BANK1: variants seen among roughly 807,000 people sequenced by gnomAD.
BANK1 encodes B-cell scaffold protein with ankyrin repeats.
Under a neutral mutation model 94.5 loss-of-function variants are expected in BANK1, and 95 were observed. The ratio of observed to expected loss-of-function variants is 1.00; its 90% CI spans 0.85 to 1.19. BANK1 has a LOEUF of 1.19. Among genes scored for constraint, BANK1 ranks in the 50% most tolerant of loss-of-function variants. BANK1 has a pLI of 0.00. For missense variants in BANK1, 987 were observed against 932.2 expected, an observed-to-expected ratio of 1.06 and a Z score of -0.77; for synonymous variants, 334 against 308.4, an observed-to-expected ratio of 1.08 and a Z score of -0.87.
chr4:101,904,053 G>A (rs1037014506), intron 6 of BANK1, among the ~76,000 whole-genome samples: 2 of 152,228 alleles, frequency 1.3e-5, no homozygotes, highest in Non-Finnish European at 2.9e-5. Context: ...AAAATTATGG[G>A]ACTGTTTAAC....
chr4:101,901,799 C>T (rs982811260), intron 6 of BANK1, among the ~76,000 whole-genome samples: 1 of 151,718 alleles, frequency 6.6e-6, no homozygotes. Flanking sequence ...CTTGCTCTGT[C>T]GCCCAGGCTG....
chr4:101,839,202 A>G (rs1211915820), intron 2 of BANK1, among the ~76,000 whole-genome samples: 1 of 152,194 alleles, frequency 6.6e-6, no homozygotes, highest in East Asian at 1.9e-4. Flanking sequence ...TAGTGTCTTA[A>G]TATTCTCATA....
chr4:101,932,012 T>C (rs1723366199), intron 7 of BANK1, among the ~76,000 whole-genome samples: 1 of 151,542 alleles, frequency 6.6e-6, no homozygotes, highest in Admixed American at 6.6e-5. Context: ...ATGTAGTTTG[T>C]TTAAGATCCT....
At chr4:101,990,303 T>G (rs542384679) in intron 7 of BANK1, among the ~76,000 whole-genome samples, 1 of 152,326 alleles carries the variant, frequency 6.6e-6, no homozygotes, top group East Asian at 1.9e-4. Flanking sequence ...AATGACTTTA[T>G]GATTATACAT....
intron 11 of BANK1, among the ~76,000 whole-genome samples, chr4:102,049,260 G>C (rs1202598107): frequency 2.0e-5 from 3 of 152,136 alleles, no homozygotes; most frequent in African/African-American, 7.2e-5. Flanking sequence ...AAGTGAACAT[G>C]ATCAAGTCAA....
chr4:102,000,641 A>G (rs1338477023), intron 7 of BANK1, among the ~76,000 whole-genome samples: 3 of 152,212 alleles, frequency 2.0e-5, no homozygotes, highest in African/African-American at 7.2e-5. Flanking sequence ...GGAAACTGAT[A>G]CATGTGTTGC....
At chr4:102,035,579 C>A (rs1727475886) in intron 10 of BANK1, among the ~76,000 whole-genome samples, 1 of 148,142 alleles carries the variant, frequency 6.8e-6, no homozygotes, top group African/African-American at 2.5e-5. Context: ...ACCCGGGAGG[C>A]AGAGCTTGCA....
chr4:101,805,500 C>A (rs35416717), intron 1 of BANK1, among the ~76,000 whole-genome samples: 40,502 of 151,594 alleles, frequency 0.27, 5,710 homozygotes, highest in Non-Finnish European at 0.32. Flanking sequence ...AATTAAGTAT[C>A]TGAAAAAGGA....
chr4:101,951,422 C>A (rs1003016301), intron 7 of BANK1, among the ~76,000 whole-genome samples: 4 of 151,880 alleles, frequency 2.6e-5, no homozygotes, highest in African/African-American at 9.7e-5. Flanking sequence ...AAACTTTAGC[C>A]CAAACACCAG....
intron 4 of BANK1, 47 bp downstream of exon 4, chr4:101,862,711 C>T (rs1427957676): frequency 1.3e-6 from 2 of 1,485,638 alleles, no homozygotes; most frequent in Admixed American, 2.4e-5. Flanking sequence ...ATCCTGAGTT[C>T]CTTCCAATAA....
chr4:102,072,242 C>A, intron 14 of BANK1, 103 bp from the exon 15 acceptor site: 1 of 977,036 alleles, frequency 1.0e-6, no homozygotes, highest in South Asian at 1.5e-5. Context: ...TTCTTTTCAC[C>A]CATATCTTAC....
intron 10 of BANK1, among the ~76,000 whole-genome samples, chr4:102,039,222 G>A (rs1025365894): frequency 2.6e-5 from 4 of 152,050 alleles, no homozygotes; most frequent in African/African-American, 4.8e-5. Context: ...GAATGTACCC[G>A]TTGAAATGTA....
At chr4:101,900,629 A>G (rs1434429375) in intron 6 of BANK1, among the ~76,000 whole-genome samples, 1 of 152,162 alleles carries the variant, frequency 6.6e-6, no homozygotes, top group Non-Finnish European at 1.5e-5. Context: ...TGAAGGAAAG[A>G]GAGGACGGGT....
In BANK1 at chr4:101,876,674, G is replaced by A. The variant is rs1009691316; in HGVS notation, c.903+6030G>A. On this transcript the variant is annotated intron_variant, in intron 5 of 16. Coordinates refer to ENST00000322953, the MANE Select transcript of BANK1 (RefSeq NM_017935.5). ...CATCTATAAATATCAAGACCCTCTA[G>A]GAAAATATGACCTCACCAAATGAAC... is the stretch of plus-strand genomic sequence containing the variant. Among the ~76,000 whole-genome samples the A allele has an allele frequency of 7.9e-5, 12 of 152,218 alleles. No individual in the cohort carries two copies. The East Asian group carries it at 2.3e-3, about 29-fold the overall frequency.
At chr4:101,983,887 G>C (rs1725400667) in intron 7 of BANK1, among the ~76,000 whole-genome samples, 1 of 151,914 alleles carries the variant, frequency 6.6e-6, no homozygotes, top group South Asian at 2.1e-4. Context: ...TTAATGCTTT[G>C]GCAAGGGCAT....
chr4:101,915,754 A>G (rs984304783), intron 6 of BANK1, among the ~76,000 whole-genome samples: 1 of 152,070 alleles, frequency 6.6e-6, no homozygotes, highest in East Asian at 1.9e-4. Context: ...TTGATGGACT[A>G]TTTCCTTTGT....
At position 101,895,440 on chromosome 4, in the gene BANK1, CTTT is replaced by C. The variant is rs774040500; in HGVS notation, c.1009+33_1009+35del. On this transcript the variant is annotated intron_variant, in intron 6 of 16. Transcript: ENST00000322953. Reference sequence around the variant, plus strand: ...GTATTTTCCAGCTGCATCAATTATTCTTTTTATCACATTCCATTCTATGTAACT... The same window carrying C: ...GTATTTTCCAGCTGCATCAATTATTCTTATCACATTCCATTCTATGTAACT... 6.2e-6 allele frequency: 8 copies of C among 1,282,766 alleles called. No individual in the cohort carries two copies. In the East Asian group the frequency reaches 1.9e-4, roughly 30 times the overall value. The allele number at this position is 1,282,766 out of a possible 1,614,324, so 79.5% of individuals were successfully genotyped here.
intron 2 of BANK1, among the ~76,000 whole-genome samples, chr4:101,843,326 T>TAAAATGAAGAAG (rs1727128761): frequency 6.6e-6 from 1 of 152,174 alleles, no homozygotes; most frequent in Non-Finnish European, 1.5e-5. Context: ...CGTAAAATGG[T>TAAAATGAAGAAG]GCCCCATAGT....
At chr4:101,910,748 C>A (rs1211871137) in intron 6 of BANK1, among the ~76,000 whole-genome samples, 1 of 149,304 alleles carries the variant, frequency 6.7e-6, no homozygotes, top group Non-Finnish European at 1.5e-5. Context: ...CTTAGAGTGA[C>A]TGTTCATCTA....
Sources: allele counts gnomAD v4.1 joint callset (sites outside exome capture counted in the v4.1 genomes callset), GRCh38; gene constraint gnomAD v4.1.1; transcripts MANE v1.5; gene names NCBI Gene and HGNC (gene_info 2026-07-23, HGNC 2026-07-21).